CLYBL: variants seen among roughly 807,000 people sequenced by gnomAD.
CLYBL encodes citramalyl-CoA lyase.
In CLYBL, 31 loss-of-function variants were observed where a neutral mutation model predicts 38.9. That is an observed-to-expected ratio of 0.80 (90% CI 0.60 to 1.08). CLYBL has a LOEUF of 1.08. CLYBL is among the 50% of genes least tolerant of loss of function. The pLI is 0.00. For synonymous variants in CLYBL, 171 were observed against 158.6 expected, an observed-to-expected ratio of 1.08 and a Z score of -0.59; for missense variants, 434 against 411.6, an observed-to-expected ratio of 1.05 and a Z score of -0.47.
intron 2 of CLYBL, among the ~76,000 whole-genome samples, chr13:99,789,390 A>G (rs1360350444): frequency 6.6e-6 from 1 of 152,160 alleles, no homozygotes; most frequent in South Asian, 2.1e-4. Context: ...AGATTCTGGT[A>G]TGTTGTATCT....
intron 1 of CLYBL, among the ~76,000 whole-genome samples, chr13:99,748,196 A>T (rs1021922320): frequency 6.6e-6 from 1 of 152,022 alleles, no homozygotes; most frequent in African/African-American, 2.4e-5. Flanking sequence ...CGTGGCCAAC[A>T]TGGCAAAACC....
At chr13:99,676,194 T>G (rs780598864) in intron 1 of CLYBL, among the ~76,000 whole-genome samples, 2,371 of 58,470 alleles carry the variant, frequency 0.041, 58 homozygotes, top group African/African-American at 0.082. Flanking sequence ...CCGTCCTTCC[T>G]TCCTTCCTTC....
intron 7 of CLYBL, among the ~76,000 whole-genome samples, chr13:99,890,053 TGAAAA>T (rs946789014): frequency 4.6e-5 from 7 of 152,336 alleles, no homozygotes; most frequent in African/African-American, 1.7e-4. Flanking sequence ...AAGGAAGTGA[TGAAAA>T]GAACACAAAT....
intron 1 of CLYBL, among the ~76,000 whole-genome samples, chr13:99,627,717 C>T (rs1181696006): frequency 2.0e-5 from 3 of 152,188 alleles, no homozygotes; most frequent in Non-Finnish European, 4.4e-5. Flanking sequence ...GTTTCCCCTA[C>T]TAAGCATTTA....
chr13:99,890,918 C>A (rs192668004), intron 7 of CLYBL, among the ~76,000 whole-genome samples: 1 of 152,270 alleles, frequency 6.6e-6, no homozygotes, highest in East Asian at 1.9e-4. Context: ...TGCCATTAGC[C>A]TGATGGTACA....
chr13:99,865,459 C>A lies in CLYBL; in HGVS notation c.634+548C>A, dbSNP rs1175512966. Among the ~76,000 whole-genome samples the A allele has an allele frequency of 6.6e-6, 1 of 152,178 alleles. No individual in the cohort carries two copies. Among genetic ancestry groups the A allele is most frequent in the Non-Finnish European group, 1.5e-5 (1 of 68,042 alleles). On this transcript the variant is annotated intron_variant, in intron 5 of 8. Transcript: ENST00000339105. The surrounding 1 kb of genome is among the most constrained non-coding windows in gnomAD (Gnocchi z 4.7). ...ACCGATTCTCACCATCCCTTGTGAG[C>A]TGCACTTGAGGGGTCTGCATGTTTG... is the stretch of plus-strand genomic sequence containing the variant.
intron 2 of CLYBL, among the ~76,000 whole-genome samples, chr13:99,825,690 G>A (rs565479352): frequency 6.6e-6 from 1 of 152,194 alleles, no homozygotes; most frequent in Non-Finnish European, 1.5e-5. Flanking sequence ...AGAGCACATC[G>A]TGCTCACAGG....
chr13:99,885,929 A>C (rs1200273838), intron 7 of CLYBL, among the ~76,000 whole-genome samples: 1 of 152,192 alleles, frequency 6.6e-6, no homozygotes, highest in Non-Finnish European at 1.5e-5. Flanking sequence ...AGCAAGTGGA[A>C]GGCACAGCCA....
At chr13:99,614,581 A>C (rs1213905602) in intron 1 of CLYBL, among the ~76,000 whole-genome samples, 1 of 151,986 alleles carries the variant, frequency 6.6e-6, no homozygotes, top group East Asian at 1.9e-4. Context: ...GCTGCGAGGG[A>C]GGTCTCTGCC....
chr13:99,692,121 T>C (rs1434372314), intron 1 of CLYBL, among the ~76,000 whole-genome samples: 1 of 152,138 alleles, frequency 6.6e-6, no homozygotes, highest in Non-Finnish European at 1.5e-5. Context: ...TTTAAGAAAG[T>C]GCTTAGAATC....
At chr13:99,665,508 A>C (rs2047467491) in intron 1 of CLYBL, among the ~76,000 whole-genome samples, 1 of 152,118 alleles carries the variant, frequency 6.6e-6, no homozygotes, top group South Asian at 2.1e-4. Flanking sequence ...AAATCTTATG[A>C]ATATAGTTTT....
intron 2 of CLYBL, among the ~76,000 whole-genome samples, chr13:99,773,458 G>C (rs1385261981): frequency 6.6e-6 from 1 of 152,170 alleles, no homozygotes; most frequent in East Asian, 1.9e-4. Context: ...CAGATCAGCA[G>C]TGGCATTAGA....
chr13:99,880,836 C>A (rs971781568), intron 7 of CLYBL, among the ~76,000 whole-genome samples: 5 of 152,196 alleles, frequency 3.3e-5, no homozygotes, highest in Non-Finnish European at 7.3e-5. Flanking sequence ...GGGGAAGGGA[C>A]GGGAGGGATA....
intron 2 of CLYBL, 131 bp from the exon 3 acceptor site, chr13:99,858,730 G>T: frequency 3.2e-6 from 2 of 631,300 alleles, no homozygotes; most frequent in Non-Finnish European, 5.3e-6. Context: ...TTATTTATTT[G>T]GTGGACAGGA....
intron 2 of CLYBL, among the ~76,000 whole-genome samples, chr13:99,811,502 AC>A (rs2050340837): frequency 6.6e-6 from 1 of 152,158 alleles, no homozygotes; most frequent in South Asian, 2.1e-4. Flanking sequence ...AGAAAATCTG[AC>A]AGCTCTGGAA....
chr13:99,621,893 A>G (rs1242398107), intron 1 of CLYBL, among the ~76,000 whole-genome samples: 10 of 152,190 alleles, frequency 6.6e-5, no homozygotes, highest in Admixed American at 4.6e-4. Context: ...CAGATTTGTT[A>G]ACTTATGCTT....
At chr13:99,863,313 TC>T (rs1472960923) in intron 4 of CLYBL, among the ~76,000 whole-genome samples, 1 of 152,212 alleles carries the variant, frequency 6.6e-6, no homozygotes, top group Non-Finnish European at 1.5e-5. Flanking sequence ...AGCTTCCCAG[TC>T]CAAAATATTT....
intron 2 of CLYBL, among the ~76,000 whole-genome samples, chr13:99,805,216 A>G (rs978072912): frequency 6.6e-6 from 1 of 152,164 alleles, no homozygotes; most frequent in African/African-American, 2.4e-5. Flanking sequence ...TATTGTTGCC[A>G]TGAACATGGG....
At chr13:99,669,889 A>T (rs1451432329) in intron 1 of CLYBL, among the ~76,000 whole-genome samples, 2 of 152,190 alleles carry the variant, frequency 1.3e-5, no homozygotes, top group African/African-American at 4.8e-5. Context: ...TGTATAAATG[A>T]CACTTTAAAG....
Sources: gnomAD v4.1 joint callset for allele counts (sites outside exome capture counted in the v4.1 genomes callset) on GRCh38, gnomAD v4.1.1 for gene constraint, Gnocchi (gnomAD v3.1) non-coding constraint, MANE v1.5 for transcripts, NCBI Gene and HGNC (gene_info 2026-07-23, HGNC 2026-07-21) for gene names.